ANK2: variants seen among roughly 807,000 people sequenced by gnomAD.
ANK2 encodes ankyrin-2.
A neutral mutation model predicts 360.5 loss-of-function variants in ANK2; 83 were observed. The ratio of observed to expected loss-of-function variants is 0.23; its 90% CI spans 0.19 to 0.28. The LOEUF (loss-of-function observed/expected upper bound fraction) is 0.28, where lower values mean the gene tolerates loss of function less well. ANK2 is among the 10% of genes least tolerant of loss of function. The probability of loss-of-function intolerance (pLI) is 1.00; values close to 1 mark genes in which losing one functional copy is unlikely to be tolerated. For synonymous variants in ANK2, 1,740 were observed against 1,759.5 expected, an observed-to-expected ratio of 0.99 and a Z score of 0.28; for missense variants, 4,201 against 4,795.7, an observed-to-expected ratio of 0.88 and a Z score of 3.66.
At chr4:112,863,113 C>T (rs1215248024) in intron 1 of ANK2, among the ~76,000 whole-genome samples, 8 of 152,034 alleles carry the variant, frequency 5.3e-5, no homozygotes, top group Admixed American at 4.6e-4. Flanking sequence ...ATTTCTTTCC[C>T]CCAAGCATGC....
At chr4:112,997,131 A>G (rs2048833326) in intron 2 of ANK2, among the ~76,000 whole-genome samples, 1 of 152,198 alleles carries the variant, frequency 6.6e-6, no homozygotes, top group African/African-American at 2.4e-5. Context: ...TTAAATTGAC[A>G]AATAAACATT....
chr4:113,048,686 A>T (rs2065622057), upstream of ANK2, among the ~76,000 whole-genome samples: 1 of 152,034 alleles, frequency 6.6e-6, no homozygotes, highest in Non-Finnish European at 1.5e-5. Flanking sequence ...GAATTCCAGA[A>T]CTTTATAGTA....
chr4:112,993,469 A>AT (rs113947781), intron 2 of ANK2, among the ~76,000 whole-genome samples: 8,178 of 148,314 alleles, frequency 0.055, 643 homozygotes, highest in African/African-American at 0.18. Flanking sequence ...TGCCTGGCTA[A>AT]TTTTTTTTTT....
intron 1 of ANK2, among the ~76,000 whole-genome samples, chr4:113,050,120 G>C (rs2154323106): frequency 6.6e-6 from 1 of 152,318 alleles, no homozygotes; most frequent in South Asian, 2.1e-4. Context: ...TAACTGGGTA[G>C]AGAGAGTCGT....
At chr4:113,260,548 A>C (rs2052238863) in intron 13 of ANK2, among the ~76,000 whole-genome samples, 1 of 152,198 alleles carries the variant, frequency 6.6e-6, no homozygotes, top group South Asian at 2.1e-4. Flanking sequence ...GGAAGCAGAT[A>C]CCTATTGATA....
chr4:112,790,819 G>C, the ANK2 span, among the ~76,000 whole-genome samples: 1 of 152,040 alleles, frequency 6.6e-6, no homozygotes, highest in Non-Finnish European at 1.5e-5. Flanking sequence ...CTTCAAAGGT[G>C]GGGAGAAATA....
intron 14 of ANK2, among the ~76,000 whole-genome samples, chr4:113,272,144 T>G (rs1222166394): frequency 1.3e-5 from 2 of 152,204 alleles, no homozygotes; most frequent in Non-Finnish European, 2.9e-5. Context: ...AATAGAAATT[T>G]TATCAAATCT....
In ANK2 at chr4:113,357,291, C is replaced by T. The variant is rs374884110; in HGVS notation, c.8673C>T (p.Pro2891=). ...ETFENLPKDC[P]SQDSSITTQT... ...TTGAGAACTTACCAAAGGACTGCCC[C>T]TCTCAAGACTCATCCATTACTACTC... The change falls in exon 38 of 46, where the codon CCC becomes CCT. Residue 2891 remains proline (P), a synonymous_variant. Coordinates refer to ENST00000357077, the MANE Select transcript of ANK2 (RefSeq NM_001148.6). 325 of 1,613,924 alleles carry T rather than the reference C, an allele frequency of 2.0e-4. No homozygotes were observed. The highest frequency in any genetic ancestry group is 2.5e-4 in the Non-Finnish European group (295 of 1,179,994).
At chr4:113,030,488 T>C (rs540796262) in intron 2 of ANK2, among the ~76,000 whole-genome samples, 4 of 152,170 alleles carry the variant, frequency 2.6e-5, no homozygotes, top group South Asian at 2.1e-4. Context: ...TCTCAAAAGA[T>C]AGAAATAAAA....
At chr4:112,814,877 A>G (rs779044118), upstream of ANK2, among the ~76,000 whole-genome samples, 1 of 152,222 alleles carries the variant, frequency 6.6e-6, no homozygotes, top group African/African-American at 2.4e-5. Flanking sequence ...CTTAGCTCAT[A>G]TTATAAGAAA....
chr4:113,218,395 AT>A (rs760222117), intron 4 of ANK2, among the ~76,000 whole-genome samples: 5 of 151,406 alleles, frequency 3.3e-5, no homozygotes, highest in Non-Finnish European at 5.9e-5. Context: ...GCATGTTTTA[AT>A]TTTTGAATTG....
intron 1 of ANK2, among the ~76,000 whole-genome samples, chr4:113,050,193 T>G (rs1389966356): frequency 6.6e-6 from 1 of 151,642 alleles, no homozygotes; most frequent in Non-Finnish European, 1.5e-5. Context: ...AAAAGGCAGA[T>G]TTTTGGCCAG....
At chr4:112,776,752 G>C in the ANK2 span, among the ~76,000 whole-genome samples, 1 of 152,160 alleles carries the variant, frequency 6.6e-6, no homozygotes, top group African/African-American at 2.4e-5. Context: ...ACATGTATTT[G>C]CATATTAAGT....
chr4:112,847,890 A>T (rs547088786), intron 1 of ANK2, among the ~76,000 whole-genome samples: 38 of 152,238 alleles, frequency 2.5e-4, no homozygotes, highest in Admixed American at 1.7e-3. Flanking sequence ...CAGAATTCTC[A>T]TCATCTTCCC....
At chr4:113,043,895 T>A (rs1159936090) in intron 2 of ANK2, among the ~76,000 whole-genome samples, 1 of 152,114 alleles carries the variant, frequency 6.6e-6, no homozygotes, top group Non-Finnish European at 1.5e-5. Flanking sequence ...ATTCTATAGA[T>A]CTGGCAGGCA....
Position 113,319,703 on chromosome 4 carries a change from A to G in ANK2, c.2900+1083A>G, listed in dbSNP as rs549033882. ...ATCCTAATACTTTTTTCCTTGTTAA[A>G]TAAGTAGAGGCTAGTTCCTAATGCG... On this transcript the variant is annotated intron_variant, in intron 26 of 45. Coordinates refer to ENST00000357077, the MANE Select transcript of ANK2 (RefSeq NM_001148.6). Among the ~76,000 whole-genome samples, 68 of 152,250 alleles carry G rather than the reference A, an allele frequency of 4.5e-4. 1 individual carries two copies. In the South Asian group the frequency reaches 0.011, roughly 26 times the overall value.
chr4:113,271,358 C>A (rs1489445961), intron 14 of ANK2, among the ~76,000 whole-genome samples: 1 of 152,124 alleles, frequency 6.6e-6, no homozygotes, highest in Non-Finnish European at 1.5e-5. Context: ...CCGTTTCCCC[C>A]AAATGAGGGA....
chr4:113,174,639 A>T (rs545319394), intron 2 of ANK2, 122 bp downstream of exon 2: 3 of 821,866 alleles, frequency 3.7e-6, no homozygotes, highest in Admixed American at 5.0e-5. Flanking sequence ...AGACTTCTGA[A>T]ATCCCATTTT....
At chr4:113,266,225 T>C (rs1467417257) in intron 14 of ANK2, among the ~76,000 whole-genome samples, 2 of 152,130 alleles carry the variant, frequency 1.3e-5, no homozygotes, top group African/African-American at 2.4e-5. Context: ...TCTGTTTCTG[T>C]GTTAGTTTGC....
Sources: gnomAD v4.1 joint callset for allele counts (sites outside exome capture counted in the v4.1 genomes callset) on GRCh38, gnomAD v4.1.1 for gene constraint, MANE v1.5 for transcripts, NCBI Gene and HGNC (gene_info 2026-07-23, HGNC 2026-07-21) for gene names.